Variants in PKP4 observed in about 807,000 individuals in gnomAD.
PKP4 encodes plakophilin-4.
Under a neutral mutation model 145.1 loss-of-function variants are expected in PKP4, and 90 were observed. The observed-to-expected ratio is 0.62, with a 90% CI of 0.52 to 0.74. PKP4 has a LOEUF of 0.74. Among genes scored for constraint, PKP4 ranks in the 30% least tolerant of loss-of-function variants. The pLI, the probability that PKP4 is intolerant of heterozygous loss-of-function variation, is 0.00. For synonymous variants in PKP4, 563 were observed against 577.2 expected (o/e 0.98, Z 0.35); for missense variants, 1,340 against 1,482.7 (o/e 0.90, Z 1.58).
At chr2:158,554,952 A>G (rs2045965302) in intron 2 of PKP4, among the ~76,000 whole-genome samples, 1 of 149,676 alleles carries the variant, frequency 6.7e-6, no homozygotes, top group African/African-American at 2.4e-5. Context: ...TGTTTCTGTT[A>G]TGATTATTTG....
chr2:158,464,711 A>T (rs1260484973), intron 1 of PKP4, among the ~76,000 whole-genome samples: 1 of 152,228 alleles, frequency 6.6e-6, no homozygotes, highest in African/African-American at 2.4e-5. Context: ...TGTAAAATAG[A>T]AACCATTATT....
At chr2:158,479,882 A>C (rs1469012399) in intron 1 of PKP4, among the ~76,000 whole-genome samples, 1 of 152,166 alleles carries the variant, frequency 6.6e-6, no homozygotes, top group Non-Finnish European at 1.5e-5. Flanking sequence ...TTAATATTGA[A>C]ATCTAGGGCT....
intron 1 of PKP4, among the ~76,000 whole-genome samples, chr2:158,481,020 A>T (rs1450265853): frequency 6.6e-6 from 1 of 152,128 alleles, no homozygotes; most frequent in Non-Finnish European, 1.5e-5. Context: ...TGTTTTCAAG[A>T]TTCATCTATG....
chr2:158,632,710 G>A (rs1340808480), intron 8 of PKP4: 1 of 151,948 alleles, frequency 6.6e-6, no homozygotes. Context: ...CCCCTCAAAG[G>A]TACAACTCTA....
rs139560208 is a variant in PKP4, at chr2:158,661,163, G to A, written c.2094-170G>A. ...CTTCCATGTGTGGATAATGGGGAGC[G>A]GGCCATCATTGTGAGCTTCAGGATG... On this transcript the variant is annotated intron_variant, in intron 12 of 21. Coordinates refer to ENST00000389759, the MANE Select transcript of PKP4 (RefSeq NM_003628.6). The A allele has an allele frequency of 8.2e-3, 4,408 of 534,596 alleles. 44 individuals are homozygous for A. The highest frequency in any genetic ancestry group is 0.022 in the South Asian group (1,019 of 46,306). 33.1% of individuals were successfully genotyped at this position (534,596 alleles called of 1,614,324 possible). A position where few individuals can be genotyped will look rare whatever the true frequency, so the allele number is the denominator to read the frequency against.
intron 1 of PKP4, among the ~76,000 whole-genome samples, chr2:158,495,720 A>G (rs1228540184): frequency 6.6e-6 from 1 of 150,820 alleles, no homozygotes; most frequent in Non-Finnish European, 1.5e-5. Flanking sequence ...TGTAATCCCA[A>G]CTACTCAGGA....
chr2:158,658,027 G>C, intron 11 of PKP4, 104 bp from the exon 12 acceptor site: 1 of 724,262 alleles, frequency 1.4e-6, no homozygotes, highest in Non-Finnish European at 2.3e-6. Context: ...CATAGATTAG[G>C]TTTGGAACAG....
At chr2:158,660,889 G>A (rs1466678640) in intron 12 of PKP4, 2 of 154,632 alleles carry the variant, frequency 1.3e-5, no homozygotes, top group Admixed American at 6.4e-5. Context: ...AACAAGGGAG[G>A]TGAAGCATGT....
intron 1 of PKP4, among the ~76,000 whole-genome samples, chr2:158,462,140 A>G (rs1343059703): frequency 1.3e-5 from 2 of 152,232 alleles, no homozygotes; most frequent in East Asian, 1.9e-4. Flanking sequence ...GCTAGGTGGT[A>G]TCTGAAGTTT....
At chr2:158,564,255 GT>G (rs1364224909) in intron 2 of PKP4, among the ~76,000 whole-genome samples, 1 of 152,038 alleles carries the variant, frequency 6.6e-6, no homozygotes, top group Non-Finnish European at 1.5e-5. Context: ...TAGGCTTTGG[GT>G]TTTTAAATTT....
At chr2:158,488,342 G>A (rs892635638) in intron 1 of PKP4, among the ~76,000 whole-genome samples, 10 of 152,106 alleles carry the variant, frequency 6.6e-5, no homozygotes, top group African/African-American at 2.2e-4. Flanking sequence ...ACACTTTTCC[G>A]CATTTCCTTC....
chr2:158,654,043 A>G (rs2055658845), intron 11 of PKP4, among the ~76,000 whole-genome samples: 1 of 152,230 alleles, frequency 6.6e-6, no homozygotes, highest in African/African-American at 2.4e-5. Context: ...TTTCATATCT[A>G]AGGCTTTTAA....
intron 1 of PKP4, among the ~76,000 whole-genome samples, chr2:158,492,217 G>C (rs534601284): frequency 6.6e-6 from 1 of 151,750 alleles, no homozygotes; most frequent in Admixed American, 6.6e-5. Context: ...GGCCTCAGTT[G>C]CCCACAGAGT....
At chr2:158,474,507 A>T (rs1468866754) in intron 1 of PKP4, among the ~76,000 whole-genome samples, 1 of 152,238 alleles carries the variant, frequency 6.6e-6, no homozygotes, top group African/African-American at 2.4e-5. Flanking sequence ...AAAATTTTTT[A>T]AAAAACCATG....
chr2:158,459,524 G>A (rs369440205), intron 1 of PKP4, among the ~76,000 whole-genome samples: 1 of 152,242 alleles, frequency 6.6e-6, no homozygotes, highest in East Asian at 1.9e-4. Flanking sequence ...TGTTTTGGTT[G>A]CTACGTTGTT....
intron 1 of PKP4, among the ~76,000 whole-genome samples, chr2:158,473,379 T>G (rs1042198646): frequency 6.6e-6 from 1 of 152,186 alleles, no homozygotes; most frequent in African/African-American, 2.4e-5. Flanking sequence ...TGCAGCACTA[T>G]TCATAGTAAC....
intron 3 of PKP4, among the ~76,000 whole-genome samples, chr2:158,596,418 G>A (rs976040066): frequency 1.3e-5 from 2 of 152,052 alleles, no homozygotes; most frequent in Non-Finnish European, 2.9e-5. Flanking sequence ...AGAGAAAATT[G>A]AGGAGTGAAA....
At chr2:158,678,048 A>AAAAC (rs1363621479) in intron 20 of PKP4, among the ~76,000 whole-genome samples, 3 of 100,340 alleles carry the variant, frequency 3.0e-5, no homozygotes, top group African/African-American at 8.1e-5. Flanking sequence ...CTTTTGTATT[A>AAAAC]AAACATACTT....
chr2:158,560,404 A>G (rs773475795), intron 2 of PKP4, among the ~76,000 whole-genome samples: 2 of 152,210 alleles, frequency 1.3e-5, no homozygotes, highest in Non-Finnish European at 2.9e-5. Context: ...GATCTTCTGT[A>G]TATGAAGTTT....
Sources: gnomAD v4.1 joint callset for allele counts (sites outside exome capture counted in the v4.1 genomes callset) on GRCh38, gnomAD v4.1.1 for gene constraint, MANE v1.5 for transcripts, NCBI Gene and HGNC (gene_info 2026-07-23, HGNC 2026-07-21) for gene names.